The following MEMO1 variants were observed in gnomAD, a reference collection of about 807,000 sequenced individuals.
The protein encoded by MEMO1 is protein MEMO1.
MEMO1 carries 6 observed loss-of-function variants against 45.2 expected under a neutral mutation model. The ratio of observed to expected loss-of-function variants is 0.13; its 90% CI spans 0.07 to 0.26. MEMO1 has a LOEUF of 0.26. Among genes scored for constraint, MEMO1 ranks in the 10% least tolerant of loss-of-function variants. The pLI is 1.00. For synonymous variants in MEMO1, 78 were observed against 124.3 expected, an observed-to-expected ratio of 0.63 and a Z score of 2.48; for missense variants, 184 against 370.5, an observed-to-expected ratio of 0.50 and a Z score of 4.13.
intron 2 of MEMO1, among the ~76,000 whole-genome samples, chr2:31,984,591 G>A (rs780407174): frequency 6.6e-6 from 1 of 152,166 alleles, no homozygotes; most frequent in Non-Finnish European, 1.5e-5. Flanking sequence ...GGGCGATAAC[G>A]AGGTCAAGAG....
At chr2:31,955,338 C>T (rs1667292295) in intron 2 of MEMO1, among the ~76,000 whole-genome samples, 1 of 152,162 alleles carries the variant, frequency 6.6e-6, no homozygotes, top group Admixed American at 6.5e-5. Context: ...ATTGAGAAAT[C>T]ATATAATCTA....
chr2:31,998,387 T>C (rs6734180), intron 2 of MEMO1, among the ~76,000 whole-genome samples: 9,469 of 152,234 alleles, frequency 0.062, 357 homozygotes, highest in Middle Eastern at 0.12. Flanking sequence ...GTATTCCTTA[T>C]AGGATCTCCC....
chr2:31,969,621 GT>G (rs1669130505), intron 2 of MEMO1, among the ~76,000 whole-genome samples: 2 of 150,152 alleles, frequency 1.3e-5, no homozygotes, highest in African/African-American at 4.9e-5. Flanking sequence ...GTGTGTGTGT[GT>G]GTGTGTGTGT....
At chr2:32,003,099 T>C (rs914520294) in intron 2 of MEMO1, among the ~76,000 whole-genome samples, 1 of 152,184 alleles carries the variant, frequency 6.6e-6, no homozygotes, top group Non-Finnish European at 1.5e-5. Flanking sequence ...CACCAAGATG[T>C]ATTATTTTGA....
chr2:31,909,630 A>C (rs544088535), intron 6 of MEMO1, among the ~76,000 whole-genome samples: 14 of 152,362 alleles, frequency 9.2e-5, no homozygotes, highest in Admixed American at 8.5e-4. Flanking sequence ...AAAACTGGAT[A>C]GATATCCCAT....
intron 2 of MEMO1, among the ~76,000 whole-genome samples, chr2:31,967,175 G>A (rs971149667): frequency 1.1e-4 from 16 of 149,484 alleles, no homozygotes; most frequent in African/African-American, 4.0e-4. Context: ...CCAGGCTGGA[G>A]TGCAGCGGCG....
intron 6 of MEMO1, among the ~76,000 whole-genome samples, chr2:31,915,224 G>A (rs1210944336): frequency 6.6e-6 from 1 of 152,110 alleles, no homozygotes; most frequent in African/African-American, 2.4e-5. Flanking sequence ...AATAGATTTT[G>A]AGCCTAGGGT....
chr2:31,943,156 T>C, intron 3 of MEMO1, 146 bp downstream of exon 3: 1 of 667,806 alleles, frequency 1.5e-6, no homozygotes, highest in Non-Finnish European at 2.6e-6. Flanking sequence ...TCCCAACTGC[T>C]CAGGAGGTTG....
chr2:32,007,787 C>A (rs1196935076), intron 2 of MEMO1, among the ~76,000 whole-genome samples: 4 of 152,188 alleles, frequency 2.6e-5, no homozygotes, highest in Admixed American at 6.5e-5. Flanking sequence ...TGTAGGTACA[C>A]TGACAAATAT....
chr2:31,918,172 T>TAAAAC (rs1025641474), intron 5 of MEMO1, 135 bp from the exon 6 acceptor site: 8 of 491,342 alleles, frequency 1.6e-5, no homozygotes, highest in African/African-American at 4.0e-5. Flanking sequence ...TCATTTTTAT[T>TAAAAC]AAAACAAAAC....
At chr2:31,905,737 C>T (rs1165790544) in intron 6 of MEMO1, among the ~76,000 whole-genome samples, 1 of 152,184 alleles carries the variant, frequency 6.6e-6, no homozygotes, top group African/African-American at 2.4e-5. Context: ...CTCTTCAATT[C>T]ATCTTAACTG....
At chr2:31,959,752 T>C (rs986352582) in intron 2 of MEMO1, among the ~76,000 whole-genome samples, 2 of 146,976 alleles carry the variant, frequency 1.4e-5, no homozygotes. Flanking sequence ...TTCATTTACC[T>C]TATGAAACAC....
chr2:31,884,388 T>C (rs546107630), intron 7 of MEMO1, among the ~76,000 whole-genome samples: 1 of 152,328 alleles, frequency 6.6e-6, no homozygotes, highest in South Asian at 2.1e-4. Context: ...TTGACCAAAA[T>C]GCATTTCTAA....
intron 8 of MEMO1, among the ~76,000 whole-genome samples, chr2:31,880,321 G>A (rs1278641307): frequency 6.6e-6 from 1 of 152,170 alleles, no homozygotes; most frequent in East Asian, 1.9e-4. Context: ...AAGCCAAAAA[G>A]AAGGTAATAC....
chr2:31,992,421 A>T (rs989519031), intron 2 of MEMO1, among the ~76,000 whole-genome samples: 5 of 152,244 alleles, frequency 3.3e-5, no homozygotes, highest in African/African-American at 1.2e-4. Flanking sequence ...GCAATAAACA[A>T]AAGTGGGTTC....
At chr2:31,969,668 G>A (rs1339051469) in intron 2 of MEMO1, among the ~76,000 whole-genome samples, 1 of 149,360 alleles carries the variant, frequency 6.7e-6, no homozygotes, top group Non-Finnish European at 1.5e-5. Flanking sequence ...CCAGGCTGGA[G>A]TGCAATGGCA....
At chr2:31,901,418 C>T (rs1041142403) in intron 6 of MEMO1, among the ~76,000 whole-genome samples, 1 of 136,708 alleles carries the variant, frequency 7.3e-6, no homozygotes, top group African/African-American at 2.7e-5. Context: ...ACTACCAAGA[C>T]ATGCGACAAC....
In MEMO1 at chr2:32,004,443, C is replaced by A. The variant is rs543837157; in HGVS notation, c.61+5744G>T. 1.9e-4 allele frequency among the ~76,000 whole-genome samples: 29 copies of A among 152,196 alleles called. No homozygotes were observed. The South Asian group carries it at 2.5e-3, about 13-fold the overall frequency. On this transcript the variant is annotated intron_variant, in intron 2 of 9. Coordinates refer to ENST00000404530, the MANE Select transcript of MEMO1 (RefSeq NM_001301833.4). ...AAAAATGCTCAACTTCATTAAGTATCAGGAAAATATGAATTAAAACTACAC... is the reference window on the plus strand; with the variant it reads ...AAAAATGCTCAACTTCATTAAGTATAAGGAAAATATGAATTAAAACTACAC...
intron 2 of MEMO1, among the ~76,000 whole-genome samples, chr2:31,946,931 C>T (rs981380402): frequency 6.6e-6 from 1 of 152,160 alleles, no homozygotes; most frequent in East Asian, 1.9e-4. Context: ...TTACAACTGC[C>T]TGTAGTATTC....
Sources: gnomAD v4.1 joint callset for allele counts (sites outside exome capture counted in the v4.1 genomes callset) on GRCh38, gnomAD v4.1.1 for gene constraint, MANE v1.5 for transcripts, NCBI Gene and HGNC (gene_info 2026-07-23, HGNC 2026-07-21) for gene names.